Variants in COMMD1 observed in about 807,000 individuals in gnomAD.
COMMD1 encodes the protein copper metabolism domain containing 1, also known as COMM domain-containing protein 1.
COMMD1 carries 10 observed loss-of-function variants against 17.2 expected under a neutral mutation model. That is an observed-to-expected ratio of 0.58 (90% CI 0.36 to 0.99). The LOEUF is 0.99. COMMD1 is among the 50% of genes least tolerant of loss of function. The pLI, the probability that COMMD1 is intolerant of heterozygous loss-of-function variation, is 0.01. For missense variants in COMMD1, 270 were observed against 231.8 expected (o/e 1.17, Z -1.07); for synonymous variants, 97 against 91.6 (o/e 1.06, Z -0.34).
intron 1 of COMMD1, among the ~76,000 whole-genome samples, chr2:61,917,006 TAA>T (rs1475593877): frequency 6.6e-6 from 1 of 152,168 alleles, no homozygotes; most frequent in South Asian, 2.1e-4. Flanking sequence ...TCCTGCTTGC[TAA>T]ATACCTGGGA....
At chr2:62,055,298 C>T (rs1157497009) in intron 2 of COMMD1, 8 of 395,610 alleles carry the variant, frequency 2.0e-5, no homozygotes, top group Admixed American at 9.0e-5. Flanking sequence ...CAAGCTAACC[C>T]TAGCCAAAAT....
chr2:61,963,824 C>T (rs11689655), intron 1 of COMMD1, among the ~76,000 whole-genome samples: 18,971 of 152,150 alleles, frequency 0.12, 2,871 homozygotes, highest in African/African-American at 0.36. Context: ...GGGCACCGTG[C>T]CGTCAGCATG....
intron 2 of COMMD1, among the ~76,000 whole-genome samples, chr2:62,076,836 A>T (rs1211674874): frequency 1.3e-5 from 2 of 152,182 alleles, no homozygotes; most frequent in African/African-American, 4.8e-5. Context: ...TTGAGTATTT[A>T]TTAAGAGTAT....
At chr2:62,087,324 C>A (rs968525478) in intron 2 of COMMD1, among the ~76,000 whole-genome samples, 65 of 152,158 alleles carry the variant, frequency 4.3e-4, no homozygotes, top group African/African-American at 1.5e-3. Flanking sequence ...AAAGAAAGAC[C>A]TGAATGCAAC....
At chr2:62,129,816 T>C (rs1159124333) in intron 2 of COMMD1, among the ~76,000 whole-genome samples, 1 of 152,184 alleles carries the variant, frequency 6.6e-6, no homozygotes, top group Non-Finnish European at 1.5e-5. Context: ...AAAGGGTTAT[T>C]TTAAGCATAT....
chr2:61,941,541 A>C (rs1454533869), intron 1 of COMMD1, among the ~76,000 whole-genome samples: 1 of 152,204 alleles, frequency 6.6e-6, no homozygotes, highest in Non-Finnish European at 1.5e-5. Context: ...CATATGAAGC[A>C]TATCAACTGT....
intron 1 of COMMD1, among the ~76,000 whole-genome samples, chr2:61,937,307 G>A (rs1338438063): frequency 6.6e-6 from 1 of 152,172 alleles, no homozygotes; most frequent in Admixed American, 6.5e-5. Context: ...CAATGAGGAA[G>A]TGCATTCAAA....
chr2:61,929,283 C>T (rs564974520), intron 1 of COMMD1, among the ~76,000 whole-genome samples: 21 of 152,334 alleles, frequency 1.4e-4, no homozygotes, highest in African/African-American at 4.6e-4. Flanking sequence ...GGAAACTGTT[C>T]TTATCTCACA....
chr2:61,943,673 A>G (rs191689705), intron 1 of COMMD1, among the ~76,000 whole-genome samples: 1 of 152,224 alleles, frequency 6.6e-6, no homozygotes, highest in Non-Finnish European at 1.5e-5. Flanking sequence ...CGTCTCTACT[A>G]AAAATACAAA....
chr2:62,091,267 G>C (rs1175829557), intron 2 of COMMD1, among the ~76,000 whole-genome samples: 1 of 152,210 alleles, frequency 6.6e-6, no homozygotes, highest in Non-Finnish European at 1.5e-5. Flanking sequence ...TCCTGGAATA[G>C]CATTCCTTCA....
chr2:61,897,861 T>A (rs1009252974), intron 1 of COMMD1, among the ~76,000 whole-genome samples: 4 of 152,210 alleles, frequency 2.6e-5, no homozygotes, highest in African/African-American at 9.6e-5. Flanking sequence ...CCATTCTTGC[T>A]ATACTATTTA....
Position 62,015,605 on chromosome 2 carries a change from T to G in COMMD1, c.462+14623T>G, listed in dbSNP as rs560763913. Among the ~76,000 whole-genome samples the G allele has an allele frequency of 2.6e-5, 4 of 152,308 alleles. No homozygotes were observed. The South Asian group carries it at 8.3e-4, about 32-fold the overall frequency. On this transcript the variant is annotated intron_variant, in intron 2 of 2. Transcript: ENST00000311832. ...CTTTTTAAGGAACTGACAAACTATT[T>G]TCTACAGCAGTTGCTCAATTTTACG...
intron 1 of COMMD1, among the ~76,000 whole-genome samples, chr2:61,910,986 G>A (rs1391766869): frequency 6.6e-6 from 1 of 151,904 alleles, no homozygotes; most frequent in Non-Finnish European, 1.5e-5. Flanking sequence ...GAGAGGCTGG[G>A]GTGGGAGAAT....
chr2:62,113,091 G>A (rs1672497602), intron 2 of COMMD1, among the ~76,000 whole-genome samples: 1 of 152,014 alleles, frequency 6.6e-6, no homozygotes, highest in Non-Finnish European at 1.5e-5. Context: ...CATGCCTGTA[G>A]TCCCCCTACT....
At chr2:62,102,155 A>G (rs1051630087) in intron 2 of COMMD1, among the ~76,000 whole-genome samples, 7 of 152,306 alleles carry the variant, frequency 4.6e-5, no homozygotes, top group East Asian at 1.9e-4. Flanking sequence ...CATATTTCCT[A>G]TTGTATCACA....
intron 2 of COMMD1, among the ~76,000 whole-genome samples, chr2:62,094,146 G>A (rs1051393376): frequency 6.6e-5 from 10 of 152,112 alleles, no homozygotes; most frequent in East Asian, 3.8e-4. Context: ...AGTCATATTC[G>A]TCTTCCTCTT....
At chr2:62,073,615 TG>T (rs1403629206) in intron 2 of COMMD1, among the ~76,000 whole-genome samples, 1 of 152,236 alleles carries the variant, frequency 6.6e-6, no homozygotes, top group East Asian at 1.9e-4. Context: ...AACTGTAACC[TG>T]ACTGCCTTGG....
intron 1 of COMMD1, among the ~76,000 whole-genome samples, chr2:61,964,012 C>T (rs1042032762): frequency 6.6e-6 from 1 of 152,172 alleles, no homozygotes; most frequent in Admixed American, 6.5e-5. Flanking sequence ...ACCTCTTCTT[C>T]GGTTTCCAAC....
intron 1 of COMMD1, among the ~76,000 whole-genome samples, chr2:61,955,931 C>A (rs1441504621): frequency 6.6e-6 from 1 of 152,198 alleles, no homozygotes; most frequent in South Asian, 2.1e-4. Context: ...AGGTGATCTG[C>A]CCGCCTTGGC....
Sources: gnomAD v4.1 joint callset for allele counts (sites outside exome capture counted in the v4.1 genomes callset) on GRCh38, gnomAD v4.1.1 for gene constraint, MANE v1.5 for transcripts, NCBI Gene and HGNC (gene_info 2026-07-23, HGNC 2026-07-21) for gene names.